The following ANXA2 variants were observed in gnomAD, a reference collection of about 807,000 sequenced individuals.
The protein encoded by ANXA2 is annexin II.
A neutral mutation model predicts 47.3 loss-of-function variants in ANXA2; 28 were observed. The observed-to-expected ratio is 0.59, with a 90% confidence interval of 0.44 to 0.81. The LOEUF is 0.81. Ranked by LOEUF, ANXA2 falls within the 40% of genes least tolerant of loss-of-function variation. ANXA2 has a pLI of 0.00. For missense variants in ANXA2, 384 were observed against 414.3 expected (o/e 0.93, Z 0.64); for synonymous variants, 172 against 155.5 (o/e 1.11, Z -0.79).
intron 3 of ANXA2, among the ~76,000 whole-genome samples, chr15:60,381,089 C>G (rs1242505505): frequency 2.0e-5 from 3 of 152,080 alleles, no homozygotes; most frequent in Non-Finnish European, 4.4e-5. Context: ...CAAAATAAGA[C>G]AGTTCTGAGA....
chr15:60,359,347 G>A (rs780737388), intron 5 of ANXA2, among the ~76,000 whole-genome samples: 1 of 152,154 alleles, frequency 6.6e-6, no homozygotes, highest in Non-Finnish European at 1.5e-5. Flanking sequence ...AAGACAAACT[G>A]ATCTGAAGTG....
chr15:60,382,324 G>T lies in ANXA2; in HGVS notation c.148+18C>A. 6.3e-7 allele frequency: 1 copy of T among 1,589,596 alleles called. No individual in the cohort carries two copies. Among genetic ancestry groups the T allele is most frequent in the Non-Finnish European group, 8.6e-7 (1 of 1,157,788 alleles). On this transcript the variant is annotated intron_variant, in intron 3 of 12. Coordinates refer to ENST00000451270, the MANE Select transcript of ANXA2 (RefSeq NM_004039.3). ...CTCAGTAAGACCCTGACAAGAAGAG[G>T]ACAAATGTATCACCTACCTTTGGTC... is the stretch of plus-strand genomic sequence containing the variant.
chr15:60,381,516 A>G (rs2062858731), intron 3 of ANXA2, among the ~76,000 whole-genome samples: 1 of 152,192 alleles, frequency 6.6e-6, no homozygotes, highest in African/African-American at 2.4e-5. Flanking sequence ...CCAGAAAACA[A>G]TATAATGACC....
chr15:60,354,038 G>A, intron 8 of ANXA2, 116 bp downstream of exon 8: 1 of 726,168 alleles, frequency 1.4e-6, no homozygotes, highest in Non-Finnish European at 2.2e-6. Context: ...ATACATGTTT[G>A]TTGTTTTAAG....
chr15:60,371,887 C>T (rs1021481542), intron 3 of ANXA2, among the ~76,000 whole-genome samples: 2 of 152,184 alleles, frequency 1.3e-5, no homozygotes, highest in African/African-American at 4.8e-5. Flanking sequence ...CGCGGTGGCT[C>T]ACGCCTATAA....
chr15:60,366,513 TGAG>T (rs1194346385), intron 3 of ANXA2, among the ~76,000 whole-genome samples: 2 of 147,676 alleles, frequency 1.4e-5, no homozygotes, highest in Non-Finnish European at 3.0e-5. Flanking sequence ...GTCTGGGAGA[TGAG>T]GAGCGTCTCT....
intron 1 of ANXA2, among the ~76,000 whole-genome samples, chr15:60,393,905 T>C (rs1286490563): frequency 1.3e-5 from 2 of 152,210 alleles, no homozygotes; most frequent in Non-Finnish European, 2.9e-5. Flanking sequence ...TCTTTCTATA[T>C]TAGAAAGTCT....
chr15:60,362,638 T>C (rs2062532915), intron 4 of ANXA2: 1 of 152,238 alleles, frequency 6.6e-6, no homozygotes, highest in Non-Finnish European at 1.5e-5. Context: ...TTTTCTTCTT[T>C]ATTTCACAAA....
At chr15:60,359,121 T>C (rs2062475530) in intron 5 of ANXA2, among the ~76,000 whole-genome samples, 1 of 152,132 alleles carries the variant, frequency 6.6e-6, no homozygotes, top group Non-Finnish European at 1.5e-5. Flanking sequence ...ACTTCAAGCT[T>C]TATGGATTTT....
chr15:60,386,388 G>T (rs1315416376), intron 1 of ANXA2: 2 of 271,912 alleles, frequency 7.4e-6, no homozygotes, highest in African/African-American at 4.3e-5. Flanking sequence ...AATGCAACCT[G>T]TTCAGACAGG....
rs1049728421 is a variant in ANXA2, at chr15:60,351,357, G to A, written c.779-106C>T. 3.1e-5 allele frequency: 36 copies of A among 1,166,410 alleles called. 1 individual carries two copies. In the South Asian group the frequency reaches 4.5e-4, roughly 15 times the overall value. The allele number at this position is 1,166,410 out of a possible 1,614,324, so 72.3% of individuals were successfully genotyped here. A position where few individuals can be genotyped will look rare whatever the true frequency, so the allele number is the denominator to read the frequency against. Reference sequence around the variant, plus strand: ...GGCCACAAACCAGAAGTGACCTAATGCAATGGAAAAGGGCTGCAAAATAGG... The same window carrying A: ...GGCCACAAACCAGAAGTGACCTAATACAATGGAAAAGGGCTGCAAAATAGG... On this transcript the variant is annotated intron_variant, in intron 10 of 12. Coordinates refer to ENST00000451270, the MANE Select transcript of ANXA2 (RefSeq NM_004039.3).
In ANXA2 at chr15:60,373,237, G is replaced by C. The variant is rs1197715629; in HGVS notation, c.149-8714C>G. 5.3e-5 allele frequency among the ~76,000 whole-genome samples: 8 copies of C among 152,320 alleles called. No individual in the cohort carries two copies. The East Asian group carries it at 1.5e-3, about 29-fold the overall frequency. ...ATGCACTTACATTTGGTAATCTGTA[G>C]ATAATGATTTGCCACCTGGTAATAA... On this transcript the variant is annotated intron_variant, in intron 3 of 12. Coordinates refer to ENST00000451270, the MANE Select transcript of ANXA2 (RefSeq NM_004039.3).
chr15:60,389,093 C>T (rs1261773457), intron 1 of ANXA2, among the ~76,000 whole-genome samples: 1 of 152,144 alleles, frequency 6.6e-6, no homozygotes, highest in East Asian at 1.9e-4. Context: ...ACCACCCAAG[C>T]CCTGGCCTTA....
intron 11 of ANXA2, among the ~76,000 whole-genome samples, chr15:60,349,992 GCA>G (rs1382656083): frequency 0.044 from 51 of 1,156 alleles, 18 homozygotes; most frequent in African/African-American, 0.11. Flanking sequence ...AGGCAGGGAG[GCA>G]GGGGAAGGCA....
chr15:60,351,859 T>A, intron 9 of ANXA2, 40 bp from the exon 10 acceptor site: 7 of 1,389,962 alleles, frequency 5.0e-6, no homozygotes, highest in Non-Finnish European at 7.1e-6. Flanking sequence ...TCCGAGCCAC[T>A]AGTCAAAGCT....
chr15:60,355,864 T>C (rs766299276), intron 7 of ANXA2, 55 bp downstream of exon 7: 1 of 1,345,202 alleles, frequency 7.4e-7, no homozygotes, highest in Non-Finnish European at 1.1e-6. Flanking sequence ...TAAAATGAGG[T>C]ATGTGACTTG....
At chr15:60,376,342 T>C (rs1322075963) in intron 3 of ANXA2, among the ~76,000 whole-genome samples, 2 of 151,312 alleles carry the variant, frequency 1.3e-5, no homozygotes, top group East Asian at 3.9e-4. Flanking sequence ...CATTGTGCAT[T>C]GCACTCCAGC....
intron 2 of ANXA2, chr15:60,384,571 T>G (rs2062907882): frequency 6.6e-6 from 1 of 152,238 alleles, no homozygotes; most frequent in African/African-American, 2.4e-5. Flanking sequence ...TAAAACCTGA[T>G]AGCAAATACA....
At chr15:60,385,022 T>A (rs561577437) in intron 2 of ANXA2, among the ~76,000 whole-genome samples, 1 of 152,364 alleles carries the variant, frequency 6.6e-6, no homozygotes, top group South Asian at 2.1e-4. Context: ...ATTCTAAAAG[T>A]ATTTGAAATA....
Sources: gnomAD v4.1 joint callset for allele counts (sites outside exome capture counted in the v4.1 genomes callset) on GRCh38, gnomAD v4.1.1 for gene constraint, MANE v1.5 for transcripts, NCBI Gene and HGNC (gene_info 2026-07-23, HGNC 2026-07-21) for gene names.